Variants in CSMD1 observed in about 807,000 individuals in gnomAD.
The protein encoded by CSMD1 is CUB and sushi domain-containing protein 1.
CSMD1 carries 213 observed loss-of-function variants against 417.5 expected under a neutral mutation model. That is an observed-to-expected ratio of 0.51 (90% CI 0.46 to 0.57). CSMD1 has a LOEUF of 0.57. Among genes scored for constraint, CSMD1 ranks in the 20% least tolerant of loss-of-function variants. The probability of loss-of-function intolerance (pLI) is 0.00; values close to 1 mark genes in which losing one functional copy is unlikely to be tolerated. For synonymous variants in CSMD1, 2,862 were observed against 1,736.8 expected, an observed-to-expected ratio of 1.65 and a Z score of -16.11; for missense variants, 6,923 against 4,529.7, an observed-to-expected ratio of 1.53 and a Z score of -15.17.
intron 5 of CSMD1, among the ~76,000 whole-genome samples, chr8:3,797,991 T>G (rs540121773): frequency 2.0e-5 from 3 of 152,014 alleles, no homozygotes; most frequent in Non-Finnish European, 4.4e-5. Flanking sequence ...CAACGTGCAT[T>G]TCCTTGAAGA....
chr8:3,586,803 T>TG (rs1690257273), intron 8 of CSMD1, among the ~76,000 whole-genome samples: 1 of 152,204 alleles, frequency 6.6e-6, no homozygotes, highest in African/African-American at 2.4e-5. Flanking sequence ...TTTGTTTGTT[T>TG]GTTTGTTTTG....
chr8:4,578,613 A>T (rs953599457), intron 2 of CSMD1, among the ~76,000 whole-genome samples: 8 of 151,382 alleles, frequency 5.3e-5, no homozygotes, highest in African/African-American at 1.5e-4. Context: ...TCAGGAGTTC[A>T]AGATCAGCCT....
intron 8 of CSMD1, among the ~76,000 whole-genome samples, chr8:3,599,499 G>C (rs910254224): frequency 1.3e-5 from 2 of 151,768 alleles, no homozygotes; most frequent in African/African-American, 4.8e-5. Context: ...CGCAGAGTTA[G>C]TAACCCCAAC....
chr8:4,378,575 A>T (rs75389534), intron 3 of CSMD1, among the ~76,000 whole-genome samples: 1,934 of 152,312 alleles, frequency 0.013, 39 homozygotes, highest in African/African-American at 0.044. Flanking sequence ...CTGGTCTTCA[A>T]TAAGTTTCAA....
At chr8:4,693,539 T>A (rs558963566) in intron 1 of CSMD1, among the ~76,000 whole-genome samples, 5 of 152,338 alleles carry the variant, frequency 3.3e-5, no homozygotes, top group African/African-American at 1.2e-4. Flanking sequence ...TAATTTTACA[T>A]TTTTTTATTT....
At chr8:4,255,572 C>A (rs1419566669) in intron 3 of CSMD1, among the ~76,000 whole-genome samples, 1 of 152,084 alleles carries the variant, frequency 6.6e-6, no homozygotes, top group Non-Finnish European at 1.5e-5. Context: ...AGAATTTTTT[C>A]TAAGACACAG....
chr8:3,026,190 C>T (rs1181083756), intron 51 of CSMD1, among the ~76,000 whole-genome samples: 1 of 152,138 alleles, frequency 6.6e-6, no homozygotes, highest in Non-Finnish European at 1.5e-5. Context: ...CAGGAGAGGG[C>T]CTGGTGGGGT....
rs1050708237 is a variant in CSMD1 at position 3,497,651 on chromosome 8, A to G, written c.1345-3925T>C. On this transcript the variant is annotated intron_variant, in intron 10 of 69. Coordinates refer to ENST00000635120, the MANE Select transcript of CSMD1 (RefSeq NM_033225.6). ...TTTTTGGTTTCTGTTTGCATGGACT[A>G]TCTCTTGTAATGTCTTCAGTTTAGT... Among the ~76,000 whole-genome samples the G allele has an allele frequency of 3.9e-5, 6 of 152,320 alleles. No individual in the cohort carries two copies. In the East Asian group the frequency reaches 7.7e-4, roughly 20 times the overall value.
chr8:4,153,359 A>G (rs1796669000), intron 3 of CSMD1, among the ~76,000 whole-genome samples: 1 of 152,150 alleles, frequency 6.6e-6, no homozygotes, highest in Non-Finnish European at 1.5e-5. Flanking sequence ...GTCTCTTTCT[A>G]CATTCTGGAA....
chr8:3,197,378 G>C (rs1288057611), intron 33 of CSMD1, among the ~76,000 whole-genome samples: 1 of 152,076 alleles, frequency 6.6e-6, no homozygotes, highest in Non-Finnish European at 1.5e-5. Flanking sequence ...GCAATTTGAA[G>C]CTGAATTTGT....
chr8:3,690,789 A>G (rs1800194698), intron 7 of CSMD1, among the ~76,000 whole-genome samples: 1 of 152,222 alleles, frequency 6.6e-6, no homozygotes, highest in African/African-American at 2.4e-5. Context: ...AATTTATAAA[A>G]AAAGGAATAG....
chr8:4,310,594 C>A (rs780884967), intron 3 of CSMD1, among the ~76,000 whole-genome samples: 22 of 152,064 alleles, frequency 1.4e-4, no homozygotes, highest in Admixed American at 2.6e-4. Context: ...TCATAGCTCT[C>A]GATGATGTTA....
intron 10 of CSMD1, among the ~76,000 whole-genome samples, chr8:3,496,348 G>A (rs551740293): frequency 6.6e-6 from 1 of 152,128 alleles, no homozygotes; most frequent in Non-Finnish European, 1.5e-5. Flanking sequence ...AGAGCTCCCT[G>A]TAAGGATTGA....
rs76608934 is a variant in CSMD1 at position 3,811,426 on chromosome 8, C to T, written c.819-57384G>A. Among the ~76,000 whole-genome samples, 7 of 152,068 alleles carry T rather than the reference C, an allele frequency of 4.6e-5. No homozygotes were observed. In the East Asian group the frequency reaches 9.7e-4, roughly 21 times the overall value. On this transcript the variant is annotated intron_variant, in intron 5 of 69. Coordinates refer to ENST00000635120, the MANE Select transcript of CSMD1 (RefSeq NM_033225.6). ...TGTAGTAAGGCATTTGCTTCATGTT[C>T]GACTTACTGGGAGTGGGCATGGATT... is the stretch of plus-strand genomic sequence containing the variant.
intron 1 of CSMD1, among the ~76,000 whole-genome samples, chr8:4,723,202 T>A (rs1023643237): frequency 6.6e-6 from 1 of 152,130 alleles, no homozygotes; most frequent in Non-Finnish European, 1.5e-5. Context: ...CAGGAAGTCA[T>A]AGAGTATAAC....
chr8:3,984,030 A>G (rs1814116202), intron 5 of CSMD1, among the ~76,000 whole-genome samples: 1 of 148,316 alleles, frequency 6.7e-6, no homozygotes, highest in Non-Finnish European at 1.5e-5. Flanking sequence ...GCAGCTCTAG[A>G]GCACACGGCA....
At chr8:3,368,257 T>A (rs1280044037) in intron 19 of CSMD1, among the ~76,000 whole-genome samples, 1 of 152,320 alleles carries the variant, frequency 6.6e-6, no homozygotes, top group East Asian at 1.9e-4. Flanking sequence ...TGTAGCCATT[T>A]CATATTAAGT....
intron 4 of CSMD1, among the ~76,000 whole-genome samples, chr8:4,000,818 T>C (rs1021544283): frequency 3.3e-5 from 5 of 152,028 alleles, no homozygotes; most frequent in African/African-American, 1.2e-4. Context: ...CATCTCAATG[T>C]AAACACAGAT....
chr8:4,819,753 G>A (rs1458370055), intron 1 of CSMD1, among the ~76,000 whole-genome samples: 1 of 152,020 alleles, frequency 6.6e-6, no homozygotes, highest in Non-Finnish European at 1.5e-5. Context: ...ATGTAGAGAG[G>A]GACCTGGCTG....
Sources: allele counts gnomAD v4.1 joint callset (sites outside exome capture counted in the v4.1 genomes callset), GRCh38; gene constraint gnomAD v4.1.1; transcripts MANE v1.5; gene names NCBI Gene and HGNC (gene_info 2026-07-23, HGNC 2026-07-21).